ENO4: variants seen among roughly 807,000 people sequenced by gnomAD.
ENO4 encodes 2-phospho-D-glycerate hydro-lyase.
ENO4 carries 53 observed loss-of-function variants against 63.2 expected under a neutral mutation model. The observed-to-expected ratio is 0.84, with a 90% CI of 0.67 to 1.05. The LOEUF (loss-of-function observed/expected upper bound fraction) is 1.05, where lower values mean the gene tolerates loss of function less well. Ranked by LOEUF, ENO4 falls within the 50% of genes least tolerant of loss-of-function variation. The pLI is 0.00. For missense variants in ENO4, 719 were observed against 772.0 expected (o/e 0.93, Z 0.81); for synonymous variants, 266 against 283.8 (o/e 0.94, Z 0.63).
intron 4 of ENO4, among the ~76,000 whole-genome samples, chr10:116,859,554 C>T (rs1048580001): frequency 1.3e-5 from 2 of 152,120 alleles, no homozygotes; most frequent in Non-Finnish European, 1.5e-5. Flanking sequence ...TAAACATTTT[C>T]TTTATGAAAC....
chr10:116,855,381 G>A (rs1475742578), intron 1 of ENO4, among the ~76,000 whole-genome samples: 1 of 151,960 alleles, frequency 6.6e-6, no homozygotes, highest in Non-Finnish European at 1.5e-5. Flanking sequence ...ACACCAAATT[G>A]CCCCACATAC....
intron 12 of ENO4, 67 bp downstream of exon 12, chr10:116,879,425 GCA>G: frequency 8.1e-7 from 1 of 1,231,980 alleles, no homozygotes; most frequent in Non-Finnish European, 1.1e-6. Context: ...TCAGAGAAAT[GCA>G]GTCTCTGGTG....
chr10:116,853,536 G>A (rs1409235202), intron 1 of ENO4, among the ~76,000 whole-genome samples: 3 of 152,096 alleles, frequency 2.0e-5, no homozygotes, highest in Non-Finnish European at 4.4e-5. Context: ...TGTGGTTTGA[G>A]ATATAGTGAT....
intron 12 of ENO4, among the ~76,000 whole-genome samples, chr10:116,879,658 G>T (rs1475060972): frequency 6.6e-6 from 1 of 152,206 alleles, no homozygotes; most frequent in Non-Finnish European, 1.5e-5. Context: ...TACGTGACTA[G>T]TAAAGTGCCT....
Position 116,856,520 on chromosome 10 carries a change from A to AT in ENO4, c.327dup (p.Glu110Ter), listed in dbSNP as rs1427238851. ...GTATGTTCTGTGGTGATCTCGACTC[A>AT]TTTTGAAGTCCATGAGAATGCTCTG... On this transcript the variant is annotated frameshift_variant, in exon 3 of 14. Transcript: ENST00000341276. LOFTEE classifies it high-confidence loss of function. 6.5e-7 allele frequency: 1 copy of AT among 1,535,864 alleles called. No homozygotes were observed.
chr10:116,890,680 G>T (rs1847314246), intron 10 of ENO4, among the ~76,000 whole-genome samples: 1 of 152,230 alleles, frequency 6.6e-6, no homozygotes, highest in African/African-American at 2.4e-5. Context: ...TAAAACTTGG[G>T]TGACCTTTTA....
At chr10:116,898,630 T>C (rs1232444465) in intron 10 of ENO4, among the ~76,000 whole-genome samples, 1 of 152,176 alleles carries the variant, frequency 6.6e-6, no homozygotes, top group African/African-American at 2.4e-5. Flanking sequence ...ATATACTTAT[T>C]AGACATAATT....
rs1348528376 is a variant in ENO4 at position 116,900,621 on chromosome 10, G to T, written c.1195-10878G>T. 4.6e-6 allele frequency: 7 copies of T among 1,524,614 alleles called. No individual in the cohort carries two copies. In the African/African-American group the frequency reaches 9.6e-5, roughly 21 times the overall value. 94.4% of individuals were successfully genotyped at this position (1,524,614 alleles called of 1,614,324 possible). A position where few individuals can be genotyped will look rare whatever the true frequency, so the allele number is the denominator to read the frequency against. Reference sequence around the variant, plus strand: ...GAAACTAACTTGTCTCAGCCAAATTGCTTTTGTGTCTGGATATTGGTTCAA... The same window carrying T: ...GAAACTAACTTGTCTCAGCCAAATTTCTTTTGTGTCTGGATATTGGTTCAA... On this transcript the variant is annotated intron_variant, in intron 10 of 10. Transcript: ENST00000369207.
At chr10:116,867,244 A>G (rs1198273666) in intron 7 of ENO4, among the ~76,000 whole-genome samples, 1 of 152,120 alleles carries the variant, frequency 6.6e-6, no homozygotes, top group East Asian at 1.9e-4. Context: ...TCTCCCTAGG[A>G]ACTCCTGAGT....
At chr10:116,886,367 C>T (rs913008132), downstream of ENO4, 2 of 1,555,306 alleles carry the variant, frequency 1.3e-6, no homozygotes, top group African/African-American at 2.7e-5. Context: ...CTGTCTGTCT[C>T]TCTCACGTTT....
intron 10 of ENO4, among the ~76,000 whole-genome samples, chr10:116,898,660 CTAT>C (rs1387013288): frequency 6.6e-6 from 1 of 152,078 alleles, no homozygotes; most frequent in Non-Finnish European, 1.5e-5. Context: ...CATTTTGTAG[CTAT>C]TATTAAAATA....
At position 116,849,685 on chromosome 10, in the gene ENO4, T is replaced by C. The variant is rs1845998422; in HGVS notation, c.119T>C (p.Leu40Pro). The change falls in exon 1 of 14, where the codon CTC (leucine) becomes CCC (proline). Residue 40 changes from leucine to proline, a missense_variant. Leu to Pro is a moderately conservative substitution (Grantham distance 98, BLOSUM62 -3). Transcript: ENST00000341276. ...GTTCCGCGCAGGCTGGAAGAGCTGCTCAACTCCACCTTCTACCTCCAGCCT... is the reference window on the plus strand; with the variant it reads ...GTTCCGCGCAGGCTGGAAGAGCTGCCCAACTCCACCTTCTACCTCCAGCCT... ...NDVPRRLEEL[L>P]NSTFYLQPAD... The C allele has an allele frequency of 1.3e-6, 2 of 1,548,350 alleles. No individual in the cohort carries two copies. The highest frequency in any genetic ancestry group is 8.7e-7 in the Non-Finnish European group (1 of 1,146,068).
rs1845992528 is a variant in ENO4 at position 116,849,595 on chromosome 10, G to C, written c.29G>C (p.Cys10Ser). The C allele has an allele frequency of 6.5e-7, 1 of 1,548,118 alleles. No homozygotes were observed. Among genetic ancestry groups the C allele is most frequent in the African/African-American group, 1.4e-5 (1 of 72,954 alleles). ...GAGGAAGAAGGCGGCGGCCGCAGCT[G>C]TGGGACCACTAGGGAGCTGCAGAAG... MEEEGGGRSCGTTRELQKLK... is the reference protein window; with the variant it reads MEEEGGGRSSGTTRELQKLK... The change falls in exon 1 of 14, where the codon TGT becomes TCT. Residue 10 changes from cysteine to serine, a missense_variant. Cys to Ser is a moderately radical substitution (Grantham distance 112, BLOSUM62 -1). Coordinates refer to ENST00000341276, the MANE Select transcript of ENO4 (RefSeq NM_001242699.2).
chr10:116,876,516 C>A (rs897750095), intron 11 of ENO4, among the ~76,000 whole-genome samples: 1 of 152,230 alleles, frequency 6.6e-6, no homozygotes, highest in Admixed American at 6.5e-5. Context: ...AGGCCACTGC[C>A]CTGTCAACTT....
chr10:116,905,827 C>G (rs1383227533), intron 10 of ENO4, among the ~76,000 whole-genome samples: 1 of 152,142 alleles, frequency 6.6e-6, no homozygotes, highest in African/African-American at 2.4e-5. Context: ...AAGGGGAAAC[C>G]TCATAAAGGT....
At chr10:116,879,822 C>A (rs1386902296) in intron 12 of ENO4, 47 bp from the exon 13 acceptor site, 1 of 1,378,612 alleles carries the variant, frequency 7.3e-7, no homozygotes, top group Non-Finnish European at 1.0e-6. Context: ...TGTCGTTTAG[C>A]AAGACATGGC....
chr10:116,878,901 G>T (rs564408176), intron 11 of ENO4, among the ~76,000 whole-genome samples: 1 of 151,778 alleles, frequency 6.6e-6, no homozygotes, highest in Admixed American at 6.6e-5. Context: ...CTACCACCAC[G>T]CCCGGCTAAT....
At chr10:116,903,536 A>T (rs958094612) in intron 10 of ENO4, among the ~76,000 whole-genome samples, 4 of 152,186 alleles carry the variant, frequency 2.6e-5, no homozygotes, top group Non-Finnish European at 5.9e-5. Context: ...AGACAAAAAA[A>T]AAAGGCCTTT....
chr10:116,911,534 G>A, exon 11 of ENO4: 1 of 1,550,532 alleles, frequency 6.4e-7, no homozygotes, highest in Non-Finnish European at 8.7e-7. Flanking sequence ...CAGGATTGGA[G>A]GGCAAGAACA....
Sources: allele counts gnomAD v4.1 joint callset (sites outside exome capture counted in the v4.1 genomes callset), GRCh38; gene constraint gnomAD v4.1.1; transcripts MANE v1.5; gene names NCBI Gene and HGNC (gene_info 2026-07-23, HGNC 2026-07-21).